Variants in BEND4 observed in about 807,000 individuals in gnomAD.
BEND4 encodes the protein BEN domain-containing protein 4.
BEND4 carries 27 observed loss-of-function variants against 54.7 expected under a neutral mutation model. That is an observed-to-expected ratio of 0.49 (90% confidence interval 0.36 to 0.68). The LOEUF (loss-of-function observed/expected upper bound fraction) is 0.68, where lower values mean the gene tolerates loss of function less well. BEND4 is among the 30% of genes least tolerant of loss of function. The pLI is 0.00. For missense variants in BEND4, 702 were observed against 697.2 expected, an observed-to-expected ratio of 1.01 and a Z score of -0.08; for synonymous variants, 327 against 299.5, an observed-to-expected ratio of 1.09 and a Z score of -0.95.
At chr4:42,129,137 AACAG>A (rs1038720108) in intron 3 of BEND4, among the ~76,000 whole-genome samples, 18 of 152,302 alleles carry the variant, frequency 1.2e-4, no homozygotes, top group African/African-American at 3.8e-4. Context: ...ATACACCAAT[AACAG>A]ACAGCCAAAT....
chr4:42,144,373 A>C (rs1252750476), intron 2 of BEND4, among the ~76,000 whole-genome samples: 1 of 152,216 alleles, frequency 6.6e-6, no homozygotes, highest in Non-Finnish European at 1.5e-5. Flanking sequence ...CCTCATTGAT[A>C]GGAGGGCTTA....
chr4:42,143,629 A>G lies in BEND4; in HGVS notation c.853T>C (p.Ser285Pro), dbSNP rs781120985. 1.9e-6 allele frequency: 3 copies of G among 1,611,872 alleles called. No individual in the cohort carries two copies. Among genetic ancestry groups the G allele is most frequent in the African/African-American group, 2.7e-5 (2 of 74,882 alleles). The change falls in exon 3 of 6, where the codon TCT (serine) becomes CCT (proline). Residue 285 changes from serine (S) to proline (P), a missense_variant. By Grantham distance (74) the Ser-to-Pro change is moderately conservative. Coordinates refer to ENST00000502486, the MANE Select transcript of BEND4 (RefSeq NM_207406.4). ...CAGCCACCTAATGTATGCACAGGAG[A>G]GGTTGACAGAGGATCCACGTCGGCC... is the stretch of plus-strand genomic sequence containing the variant. ...HLADVDPLST[S>P]PVHTLGGWTS...
chr4:42,112,268 G>A lies in BEND4; in HGVS notation c.*5250C>T, dbSNP rs1275953610. The A allele has an allele frequency of 2.0e-5, 3 of 152,082 alleles. No homozygotes were observed. Among genetic ancestry groups the A allele is most frequent in the South Asian group, 2.1e-4 (1 of 4,816 alleles). 9.4% of individuals were successfully genotyped at this position (152,082 alleles called of 1,614,324 possible). A position where few individuals can be genotyped will look rare whatever the true frequency, so the allele number is the denominator to read the frequency against. ...GATAAGAACAGTAACAGCCTCATAG[G>A]GTAGCTGTGAGGATTAAAATGAGAA... On this transcript the variant is annotated 3_prime_UTR_variant, in exon 6 of 6. Transcript: ENST00000502486.
In BEND4 at chr4:42,111,432, A is replaced by G. The variant is rs904637164; in HGVS notation, c.*6086T>C. On this transcript the variant is annotated 3_prime_UTR_variant, in exon 6 of 6. Coordinates refer to ENST00000502486, the MANE Select transcript of BEND4 (RefSeq NM_207406.4). The stretch of plus-strand genomic sequence containing the variant: ...CTACATGAAGTTCCAGAGAGGAGAG[A>G]CATAAAGGCAATGCCTAAATTGCGC... The G allele has an allele frequency of 6.6e-6, 1 of 152,188 alleles. No individual in the cohort carries two copies. Among genetic ancestry groups the G allele is most frequent in the Non-Finnish European group, 1.5e-5 (1 of 68,040 alleles). The allele number at this position is 152,188 out of a possible 1,614,324, so 9.4% of individuals were successfully genotyped here. A position where few individuals can be genotyped will look rare whatever the true frequency, so the allele number is the denominator to read the frequency against.
chr4:42,145,063 C>G (rs2153147475), intron 2 of BEND4, among the ~76,000 whole-genome samples: 1 of 152,226 alleles, frequency 6.6e-6, no homozygotes, highest in South Asian at 2.1e-4. Flanking sequence ...ATTGTAGATG[C>G]CTATAACTAT....
At chr4:42,133,780 G>A (rs554863213) in intron 3 of BEND4, among the ~76,000 whole-genome samples, 1 of 152,214 alleles carries the variant, frequency 6.6e-6, no homozygotes, top group Non-Finnish European at 1.5e-5. Context: ...GCATGACCCG[G>A]GAGGTGGAGC....
In BEND4 at chr4:42,143,561, T is replaced by C; in HGVS notation, c.921A>G (p.Ser307=). The change falls in exon 3 of 6, where the codon TCA becomes TCG. Residue 307 remains serine (S), a synonymous_variant. Transcript: ENST00000502486. ...ATSESHGHPS[S]STLPEEEEEE... ...CCTCCTCCTCTTCTGGCAGTGTAGA[T>C]GAAGATGGGTGGCCATGGGATTCGG... is the stretch of plus-strand genomic sequence containing the variant. 1 of 1,564,480 alleles carries C rather than the reference T, an allele frequency of 6.4e-7. No homozygotes were observed. Among genetic ancestry groups the C allele is most frequent in the Non-Finnish European group, 8.7e-7 (1 of 1,154,208 alleles).
chr4:42,115,568 A>G lies in BEND4; in HGVS notation c.*1950T>C, dbSNP rs1719777072. ...ATGTATTCAGCAGTAAGGACAACTT[A>G]AGGCCAATGAAAAATTAAGGTAAGA... On this transcript the variant is annotated 3_prime_UTR_variant, in exon 6 of 6. Transcript: ENST00000502486. The G allele has an allele frequency of 6.6e-6, 1 of 152,232 alleles. No individual in the cohort carries two copies. Among genetic ancestry groups the G allele is most frequent in the African/African-American group, 2.4e-5 (1 of 41,464 alleles). The allele number at this position is 152,232 out of a possible 1,614,324, so 9.4% of individuals were successfully genotyped here.
rs573556811 is a variant in BEND4, at chr4:42,117,582, A to G, written c.1541T>C (p.Ile514Thr). The G allele has an allele frequency of 5.1e-5, 83 of 1,613,280 alleles. No homozygotes were observed. In the South Asian group the frequency reaches 8.2e-4, roughly 16 times the overall value. Residue 514 changes from isoleucine to threonine, a missense_variant, in exon 6 of 6, where the codon ATC (isoleucine) becomes ACC (threonine). Physicochemically the swap from Ile to Thr is moderately conservative, Grantham distance 89 (BLOSUM62 -1). Coordinates refer to ENST00000502486, the MANE Select transcript of BEND4 (RefSeq NM_207406.4). ...TTCATCCTGAGAAGCCTGGTGATCGATCCCTTCATAAAATGAGCCACCGTT... is the reference window on the plus strand; with the variant it reads ...TTCATCCTGAGAAGCCTGGTGATCGGTCCCTTCATAAAATGAGCCACCGTT... ...LHNGGSFYEG[I>T]DHQASQDEVF... is the part of the protein sequence containing the mutation.
At chr4:42,150,964 G>A (rs1721249312) in intron 2 of BEND4, 2 of 152,282 alleles carry the variant, frequency 1.3e-5, no homozygotes, top group Admixed American at 6.5e-5. Flanking sequence ...GGGCAGGAAG[G>A]AGGGGCGGGA....
At chr4:42,121,544 T>C (rs1720059481) in intron 4 of BEND4, among the ~76,000 whole-genome samples, 1 of 152,214 alleles carries the variant, frequency 6.6e-6, no homozygotes, top group African/African-American at 2.4e-5. Flanking sequence ...CAAAGTTTCC[T>C]CATCTGTACA....
At chr4:42,145,509 C>T (rs1389761061) in intron 2 of BEND4, among the ~76,000 whole-genome samples, 4 of 151,868 alleles carry the variant, frequency 2.6e-5, no homozygotes, top group Admixed American at 1.3e-4. Flanking sequence ...CTGGCCAACA[C>T]GGTGAAACCC....
intron 4 of BEND4, among the ~76,000 whole-genome samples, chr4:42,124,477 G>C (rs566594500): frequency 6.6e-6 from 1 of 152,340 alleles, no homozygotes; most frequent in South Asian, 2.1e-4. Flanking sequence ...GGCGTCATAG[G>C]AAGAGGGGCA....
At chr4:42,131,498 T>C (rs1720507732) in intron 3 of BEND4, among the ~76,000 whole-genome samples, 1 of 152,184 alleles carries the variant, frequency 6.6e-6, no homozygotes, top group East Asian at 1.9e-4. Context: ...GTTTGAAAAA[T>C]GTCTACATCA....
intron 3 of BEND4, among the ~76,000 whole-genome samples, chr4:42,130,609 T>C (rs1720473927): frequency 6.6e-6 from 1 of 152,098 alleles, no homozygotes; most frequent in South Asian, 2.1e-4. Context: ...TTTTACACTG[T>C]TGGTGGGAAA....
intron 3 of BEND4, among the ~76,000 whole-genome samples, chr4:42,136,924 T>C (rs1446849906): frequency 6.6e-6 from 1 of 152,244 alleles, no homozygotes; most frequent in Non-Finnish European, 1.5e-5. Flanking sequence ...CTGATGAAAC[T>C]GTTGTGAGCA....
At chr4:42,139,566 T>TC (rs141292539) in intron 3 of BEND4, among the ~76,000 whole-genome samples, 3,858 of 148,694 alleles carry the variant, frequency 0.026, 76 homozygotes, top group Non-Finnish European at 0.039. Flanking sequence ...CAAGAACTGC[T>TC]CCCAGGTATA....
At chr4:42,125,430 T>C (rs182202672) in intron 4 of BEND4, among the ~76,000 whole-genome samples, 153 bp downstream of exon 4, 5 of 152,340 alleles carry the variant, frequency 3.3e-5, no homozygotes, top group Admixed American at 2.6e-4. Flanking sequence ...GCGTGATCTT[T>C]CTCCACAAAT....
chr4:42,139,936 T>C (rs974861299), intron 3 of BEND4, among the ~76,000 whole-genome samples: 8 of 152,244 alleles, frequency 5.3e-5, no homozygotes, highest in African/African-American at 1.9e-4. Context: ...TTTTATTCTA[T>C]GCAAAACCAG....
Sources: gnomAD v4.1 joint callset for allele counts (sites outside exome capture counted in the v4.1 genomes callset) on GRCh38, gnomAD v4.1.1 for gene constraint, MANE v1.5 for transcripts, NCBI Gene and HGNC (gene_info 2026-07-23, HGNC 2026-07-21) for gene names.